Variants in KLHL20 observed in about 807,000 individuals in gnomAD.
The protein encoded by KLHL20 is kelch-like protein 20.
Under a neutral mutation model 69.5 loss-of-function variants are expected in KLHL20, and 29 were observed. The ratio of observed to expected loss-of-function variants is 0.42; its 90% CI spans 0.31 to 0.57. The LOEUF (loss-of-function observed/expected upper bound fraction) is 0.57. KLHL20 is among the 20% of genes least tolerant of loss of function. The pLI is 0.18. For synonymous variants in KLHL20, 253 were observed against 265.2 expected (o/e 0.95, Z 0.45); for missense variants, 419 against 776.0 (o/e 0.54, Z 5.47).
At chr1:173,773,271 CTTTTT>C (rs942557054) in intron 8 of KLHL20, among the ~76,000 whole-genome samples, 2 of 142,728 alleles carry the variant, frequency 1.4e-5, no homozygotes, top group Non-Finnish European at 3.1e-5. Flanking sequence ...CACACACAGC[CTTTTT>C]TTTTTTTATC....
At chr1:173,759,523 A>T (rs1017408616) in intron 7 of KLHL20, among the ~76,000 whole-genome samples, 9 of 152,074 alleles carry the variant, frequency 5.9e-5, no homozygotes, top group Non-Finnish European at 1.0e-4. Flanking sequence ...CAGCTGAGAG[A>T]CCCATAGATG....
At chr1:173,719,746 A>G (rs1270944831) in intron 2 of KLHL20, among the ~76,000 whole-genome samples, 2 of 149,804 alleles carry the variant, frequency 1.3e-5, no homozygotes, top group Non-Finnish European at 1.5e-5. Context: ...TACCAACAAT[A>G]TGTTTGTTTC....
Position 173,766,277 on chromosome 1 carries a change from A to G in KLHL20, c.1283A>G (p.Asn428Ser), listed in dbSNP as rs1265219530. 6 of 1,601,086 alleles carry G rather than the reference A, an allele frequency of 3.7e-6. No homozygotes were observed. The highest frequency in any genetic ancestry group is 1.1e-5 in the South Asian group (1 of 89,168). ...VGGQDGVSCLNIVERYDPKEN... is the reference protein window; with the variant it reads ...VGGQDGVSCLSIVERYDPKEN... ...GGCCAGGATGGTGTGTCTTGCCTCAACATTGTTGAGAGGTGATCTTTTTTT... is the reference window on the plus strand; with the variant it reads ...GGCCAGGATGGTGTGTCTTGCCTCAGCATTGTTGAGAGGTGATCTTTTTTT... The change falls in exon 8 of 12, where the codon AAC (asparagine) becomes AGC (serine). Residue 428 changes from asparagine (N) to serine (S), a missense_variant. By Grantham distance (46) the Asn-to-Ser change is conservative (BLOSUM62 1). Coordinates refer to ENST00000209884, the MANE Select transcript of KLHL20 (RefSeq NM_014458.4).
At chr1:173,737,938 A>G (rs940271724) in intron 3 of KLHL20, among the ~76,000 whole-genome samples, 3 of 149,238 alleles carry the variant, frequency 2.0e-5, no homozygotes, top group African/African-American at 7.3e-5. Context: ...ATATATTCCT[A>G]AGTATTTTAT....
chr1:173,773,832 C>T (rs898347268), intron 8 of KLHL20, among the ~76,000 whole-genome samples: 2 of 151,730 alleles, frequency 1.3e-5, no homozygotes, highest in African/African-American at 4.8e-5. Context: ...GCTAACATGG[C>T]GAAACCCCAT....
chr1:173,780,073 T>C (rs1006477572), intron 10 of KLHL20, among the ~76,000 whole-genome samples: 2 of 152,138 alleles, frequency 1.3e-5, no homozygotes, highest in Non-Finnish European at 2.9e-5. Context: ...CACTCCACAA[T>C]CTGAGGATAA....
intron 2 of KLHL20, among the ~76,000 whole-genome samples, chr1:173,725,564 A>G (rs1027382491): frequency 1.4e-4 from 21 of 152,354 alleles, no homozygotes; most frequent in African/African-American, 4.6e-4. Flanking sequence ...CAATTTACAG[A>G]TACCCCACCA....
intron 2 of KLHL20, among the ~76,000 whole-genome samples, chr1:173,726,462 C>T (rs542536570): frequency 1.3e-5 from 2 of 152,182 alleles, no homozygotes; most frequent in Non-Finnish European, 2.9e-5. Context: ...TCAAGTGGGT[C>T]CCTGACCCCC....
chr1:173,765,240 A>G (rs1647615399), intron 7 of KLHL20, among the ~76,000 whole-genome samples: 1 of 152,238 alleles, frequency 6.6e-6, no homozygotes, highest in South Asian at 2.1e-4. Flanking sequence ...ATGGTGGCTC[A>G]TGCCTGTAAT....
rs1672824379 is a variant in KLHL20 at position 173,741,893 on chromosome 1, T to G, written c.597+7607T>G. The G allele has an allele frequency of 4.6e-6, 7 of 1,515,510 alleles. No individual in the cohort carries two copies. In the South Asian group the frequency reaches 6.8e-5, roughly 15 times the overall value. The allele number at this position is 1,515,510 out of a possible 1,614,324, so 93.9% of individuals were successfully genotyped here. A position where few individuals can be genotyped will look rare whatever the true frequency, so the allele number is the denominator to read the frequency against. ...AGCCTACAGGAGGAAAAGCAAGGCTTACAAGAAGGATGTTCCTTCAGATGA... is the reference window on the plus strand; with the variant it reads ...AGCCTACAGGAGGAAAAGCAAGGCTGACAAGAAGGATGTTCCTTCAGATGA... On this transcript the variant is annotated intron_variant, in intron 3 of 11. Coordinates refer to ENST00000209884, the MANE Select transcript of KLHL20 (RefSeq NM_014458.4).
chr1:173,756,054 T>C lies in KLHL20; in HGVS notation c.967+16T>C. The C allele has an allele frequency of 1.3e-6, 2 of 1,535,984 alleles. No homozygotes were observed. The highest frequency in any genetic ancestry group is 9.0e-7 in the Non-Finnish European group (1 of 1,113,174). On this transcript the variant is annotated intron_variant, in intron 6 of 11. Transcript: ENST00000209884. ...CTCTTTGCAGGTTTGGATCTTAATA[T>C]ACTGTTAGTAAATTGAGTATTTTCC...
intron 3 of KLHL20, chr1:173,741,929 A>G: frequency 9.3e-7 from 1 of 1,071,162 alleles, no homozygotes; most frequent in Non-Finnish European, 1.4e-6. Flanking sequence ...AAGCAGCACT[A>G]AAAGCACTCT....
intron 6 of KLHL20, among the ~76,000 whole-genome samples, chr1:173,756,772 T>C (rs1190460329): frequency 2.6e-5 from 4 of 152,224 alleles, no homozygotes; most frequent in Non-Finnish European, 2.9e-5. Flanking sequence ...CTTTGTAAAA[T>C]AGACGTAATA....
chr1:173,741,824 A>C, intron 3 of KLHL20: 1 of 1,585,098 alleles, frequency 6.3e-7, no homozygotes. Flanking sequence ...TTAGCCATGC[A>C]CAAACTGTAG....
chr1:173,729,403 T>A (rs1174596171), intron 2 of KLHL20, among the ~76,000 whole-genome samples: 1 of 152,144 alleles, frequency 6.6e-6, no homozygotes, highest in African/African-American at 2.4e-5. Flanking sequence ...TACCAAAGCT[T>A]GGCAGAGACA....
intron 7 of KLHL20, among the ~76,000 whole-genome samples, chr1:173,761,688 A>G (rs547616515): frequency 5.2e-4 from 79 of 152,346 alleles, no homozygotes; most frequent in Admixed American, 8.5e-4. Flanking sequence ...TTCAAACTTA[A>G]TGACAGTAAT....
chr1:173,740,779 G>A (rs891023997), intron 3 of KLHL20, among the ~76,000 whole-genome samples: 4 of 151,370 alleles, frequency 2.6e-5, no homozygotes, highest in Non-Finnish European at 5.9e-5. Flanking sequence ...CCTGTCTGCC[G>A]TGGCTTTGGC....
chr1:173,745,158 C>CGTTTCTT, intron 3 of KLHL20, among the ~76,000 whole-genome samples: 1 of 145,772 alleles, frequency 6.9e-6, no homozygotes, highest in African/African-American at 2.5e-5. Context: ...AACTTTTATA[C>CGTTTCTT]ATTTCTTTTT....
intron 8 of KLHL20, among the ~76,000 whole-genome samples, chr1:173,766,646 GGAA>G (rs1037340227): frequency 1.4e-5 from 2 of 142,238 alleles, no homozygotes; most frequent in African/African-American, 5.7e-5. Context: ...GTATCAAGGG[GGAA>G]AAAAAAAAAA....
Sources: gnomAD v4.1 joint callset for allele counts (sites outside exome capture counted in the v4.1 genomes callset) on GRCh38, gnomAD v4.1.1 for gene constraint, MANE v1.5 for transcripts, NCBI Gene and HGNC (gene_info 2026-07-23, HGNC 2026-07-21) for gene names.